LIN7A: variants seen among roughly 807,000 people sequenced by gnomAD.
The protein encoded by LIN7A is protein lin-7 homolog A.
LIN7A carries 25 observed loss-of-function variants against 29.8 expected under a neutral mutation model. The observed-to-expected ratio is 0.84, with a 90% CI of 0.61 to 1.17. The LOEUF (loss-of-function observed/expected upper bound fraction) is 1.17. Ranked by LOEUF, LIN7A falls within the 50% of genes most tolerant of loss-of-function variation. The pLI is 0.00. For synonymous variants in LIN7A, 118 were observed against 107.5 expected (o/e 1.10, Z -0.60); for missense variants, 239 against 287.0 (o/e 0.83, Z 1.21).
chr12:80,838,398 T>G (rs1423645954), intron 4 of LIN7A, among the ~76,000 whole-genome samples: 1 of 152,204 alleles, frequency 6.6e-6, no homozygotes, highest in Non-Finnish European at 1.5e-5. Flanking sequence ...CTTTTTAAAT[T>G]AAAAGATCTC....
intron 4 of LIN7A, among the ~76,000 whole-genome samples, chr12:80,823,270 G>A (rs1414609469): frequency 6.6e-6 from 1 of 152,224 alleles, no homozygotes; most frequent in Admixed American, 6.5e-5. Flanking sequence ...GTGATGAGAA[G>A]GAGAGAGGAG....
At chr12:80,821,212 A>G (rs1241272562) in intron 4 of LIN7A, among the ~76,000 whole-genome samples, 8 of 152,296 alleles carry the variant, frequency 5.3e-5, no homozygotes, top group Non-Finnish European at 5.9e-5. Flanking sequence ...TCTGGATTTG[A>G]ATCTTAGACA....
At chr12:80,910,634 A>C (rs1876703768) in intron 1 of LIN7A, among the ~76,000 whole-genome samples, 1 of 152,174 alleles carries the variant, frequency 6.6e-6, no homozygotes, top group Non-Finnish European at 1.5e-5. Flanking sequence ...TATTGAGATG[A>C]TGATATGATT....
intron 2 of LIN7A, among the ~76,000 whole-genome samples, chr12:80,872,716 T>A (rs1683250023): frequency 6.6e-6 from 1 of 152,232 alleles, no homozygotes; most frequent in African/African-American, 2.4e-5. Flanking sequence ...ATTTACTCAG[T>A]TAATGTCTAG....
At chr12:80,913,867 C>T (rs1592946349) in intron 1 of LIN7A, among the ~76,000 whole-genome samples, 1 of 152,142 alleles carries the variant, frequency 6.6e-6, no homozygotes, top group East Asian at 1.9e-4. Flanking sequence ...TCATGCTCTA[C>T]TTACTTTGAG....
rs561870164 is a variant in LIN7A at position 80,807,701 on chromosome 12, A to G, written c.*3764T>C. ...GTCATTACCACAAAAGAGATCTTTAAGAGTTCTAAAAGTACAAATGTAAAG... is the reference window on the plus strand; with the variant it reads ...GTCATTACCACAAAAGAGATCTTTAGGAGTTCTAAAAGTACAAATGTAAAG... On this transcript the variant is annotated intron_variant, in intron 5 of 5. Transcript: ENST00000552864. Among the ~76,000 whole-genome samples, 3 of 152,330 alleles carry G rather than the reference A, an allele frequency of 2.0e-5. No homozygotes were observed. The South Asian group carries it at 6.2e-4, about 32-fold the overall frequency.
intron 1 of LIN7A, among the ~76,000 whole-genome samples, chr12:80,910,948 G>T (rs1041143144): frequency 2.0e-5 from 3 of 152,138 alleles, no homozygotes; most frequent in Admixed American, 6.6e-5. Flanking sequence ...AAAAGTTTGT[G>T]TTGAACTGAT....
At chr12:80,923,136 C>G (rs111344342) in intron 1 of LIN7A, among the ~76,000 whole-genome samples, 1,982 of 152,284 alleles carry the variant, frequency 0.013, 38 homozygotes, top group African/African-American at 0.045. Context: ...AGAAGAAAGG[C>G]GAACTTGCAC....
Position 80,913,823 on chromosome 12 carries a change from A to T in LIN7A, c.82+23818T>A, listed in dbSNP as rs550251232. Among the ~76,000 whole-genome samples the T allele has an allele frequency of 2.0e-5, 3 of 152,216 alleles. No individual in the cohort carries two copies. In the East Asian group the frequency reaches 5.8e-4, roughly 29 times the overall value. On this transcript the variant is annotated intron_variant, in intron 1 of 5. Coordinates refer to ENST00000552864, the MANE Select transcript of LIN7A (RefSeq NM_004664.4). ...CTATTCTGCATTATTTTCTGAAAAA[A>T]ATCTATAGCTATTACTTCTGTAATG...
chr12:80,849,732 C>G (rs900128684), intron 2 of LIN7A, among the ~76,000 whole-genome samples: 6 of 152,126 alleles, frequency 3.9e-5, no homozygotes, highest in African/African-American at 1.4e-4. Context: ...ATTGAACTCT[C>G]CAAGTTACCT....
intron 4 of LIN7A, chr12:80,842,244 G>T: frequency 1.6e-6 from 1 of 616,226 alleles, no homozygotes; most frequent in South Asian, 2.1e-5. Context: ...ATAGTTCTGT[G>T]TGTGTATATA....
rs544719514 is a variant in LIN7A at position 80,844,938 on chromosome 12, C to T, written c.483+792G>A. On this transcript the variant is annotated intron_variant, in intron 4 of 5. Transcript: ENST00000552864. ...TTTTTATTATACTATAGCTGTAGAT[C>T]TGGCTTCAAGAATTTTGAGGCCGGG... 3.3e-5 allele frequency among the ~76,000 whole-genome samples: 5 copies of T among 152,164 alleles called. No individual in the cohort carries two copies. The South Asian group carries it at 1.0e-3, about 32-fold the overall frequency.
chr12:80,886,286 G>A (rs760434175), intron 2 of LIN7A, among the ~76,000 whole-genome samples: 2 of 151,614 alleles, frequency 1.3e-5, no homozygotes, highest in South Asian at 2.1e-4. Context: ...ATGCAACTTC[G>A]AGACATTTAT....
At chr12:80,814,243 A>G (rs1262288938) in intron 4 of LIN7A, among the ~76,000 whole-genome samples, 1 of 152,176 alleles carries the variant, frequency 6.6e-6, no homozygotes, top group Non-Finnish European at 1.5e-5. Context: ...GTAAACTTTG[A>G]CAGCATCGTG....
At position 80,821,788 on chromosome 12, in the gene LIN7A, G is replaced by A. The variant is rs553102009; in HGVS notation, c.484-10105C>T. 5.3e-5 allele frequency among the ~76,000 whole-genome samples: 8 copies of A among 152,308 alleles called. No homozygotes were observed. The South Asian group carries it at 1.2e-3, about 24-fold the overall frequency. On this transcript the variant is annotated intron_variant, in intron 4 of 5. Transcript: ENST00000552864. ...TTGCCCAGCTGCAGGTGCAGACCCA[G>A]GCATCTCTGCATTCTCAGGGACCCA...
rs375187918 is a variant in LIN7A, at chr12:80,827,575, C to T, written c.484-15892G>A. ...ACATCCTGTATCATGCAAAGCACTT[C>T]CCATGTACAGGCAGGTCCAATTATA... On this transcript the variant is annotated intron_variant, in intron 4 of 5. Transcript: ENST00000552864. 2.0e-5 allele frequency among the ~76,000 whole-genome samples: 3 copies of T among 152,158 alleles called. No individual in the cohort carries two copies. In the East Asian group the frequency reaches 5.8e-4, roughly 29 times the overall value.
At chr12:80,887,074 A>G (rs571134180) in intron 2 of LIN7A, among the ~76,000 whole-genome samples, 1 of 152,226 alleles carries the variant, frequency 6.6e-6, no homozygotes, top group South Asian at 2.1e-4. Flanking sequence ...CCACCTTATT[A>G]TAACATCATT....
intron 1 of LIN7A, among the ~76,000 whole-genome samples, chr12:80,891,391 C>T (rs1331366483): frequency 6.6e-6 from 1 of 152,216 alleles, no homozygotes; most frequent in Non-Finnish European, 1.5e-5. Flanking sequence ...CTTCTTCTCG[C>T]TCATCTCAGA....
At chr12:80,826,332 T>C (rs17662201) in intron 4 of LIN7A, among the ~76,000 whole-genome samples, 54,773 of 151,996 alleles carry the variant, frequency 0.36, 10,172 homozygotes, top group Non-Finnish European at 0.42. Flanking sequence ...ACTAGTCATG[T>C]AGCCACCCAA....
Sources: allele counts gnomAD v4.1 joint callset (sites outside exome capture counted in the v4.1 genomes callset), GRCh38; gene constraint gnomAD v4.1.1; transcripts MANE v1.5; gene names NCBI Gene and HGNC (gene_info 2026-07-23, HGNC 2026-07-21).